PAQR5: variants seen among roughly 807,000 people sequenced by gnomAD.
PAQR5 encodes the protein progestin and adipoQ receptor family member 5.
In PAQR5, 20 loss-of-function variants were observed where a neutral mutation model predicts 34.5. That is an observed-to-expected ratio of 0.58 (90% CI 0.41 to 0.84). PAQR5 has a LOEUF of 0.84. Among genes scored for constraint, PAQR5 ranks in the 40% least tolerant of loss-of-function variants. The probability of loss-of-function intolerance (pLI) is 0.00; values close to 1 mark genes in which losing one functional copy is unlikely to be tolerated. For synonymous variants in PAQR5, 131 were observed against 155.6 expected, an observed-to-expected ratio of 0.84 and a Z score of 1.18; for missense variants, 378 against 412.7, an observed-to-expected ratio of 0.92 and a Z score of 0.73.
intron 1 of PAQR5, among the ~76,000 whole-genome samples, chr15:69,318,540 G>A (rs948580994): frequency 1.3e-5 from 2 of 151,978 alleles, no homozygotes; most frequent in Non-Finnish European, 2.9e-5. Flanking sequence ...CACTGAGCAC[G>A]CACTCACTGC....
intron 1 of PAQR5, among the ~76,000 whole-genome samples, chr15:69,336,149 A>G (rs1047143476): frequency 2.6e-5 from 4 of 152,150 alleles, no homozygotes; most frequent in Non-Finnish European, 5.9e-5. Flanking sequence ...TTTTAAAAAA[A>G]TTTTTTGGAG....
intron 4 of PAQR5, chr15:69,382,762 GTATATATATGTGACCATATATA>G (rs2055935798): frequency 8.4e-6 from 1 of 119,232 alleles, no homozygotes; most frequent in Admixed American, 8.3e-5. Context: ...ATATATATGT[GTATATATATGTGACCATATATA>G]TATATATATA....
At chr15:69,402,414 T>A (rs2056660827) in intron 8 of PAQR5, among the ~76,000 whole-genome samples, 1 of 151,946 alleles carries the variant, frequency 6.6e-6, no homozygotes, top group African/African-American at 2.4e-5. Flanking sequence ...GCCTCCCGAG[T>A]TCACGCCATT....
At chr15:69,322,802 AGAG>A (rs1175233150) in intron 1 of PAQR5, among the ~76,000 whole-genome samples, 1,573 of 130,492 alleles carry the variant, frequency 0.012, 387 homozygotes, top group African/African-American at 0.035. Flanking sequence ...AAGAAGAAGA[AGAG>A]GAAGAGGAAG....
intron 4 of PAQR5, among the ~76,000 whole-genome samples, chr15:69,383,732 T>C (rs2056005961): frequency 1.0e-5 from 1 of 97,648 alleles, no homozygotes; most frequent in African/African-American, 4.3e-5. Flanking sequence ...TGGGCCTCTG[T>C]GCTCATGGTG....
chr15:69,399,749 A>G (rs1011691843), intron 7 of PAQR5, among the ~76,000 whole-genome samples: 13 of 152,208 alleles, frequency 8.5e-5, no homozygotes, highest in Admixed American at 7.9e-4. Context: ...TCGAGTCTCA[A>G]TCGACCACAC....
In PAQR5 at chr15:69,300,519, T is replaced by A. The variant is rs796599582; in HGVS notation, c.-277+1463T>A. Among the ~76,000 whole-genome samples, 5 of 152,048 alleles carry A rather than the reference T, an allele frequency of 3.3e-5. No homozygotes were observed. The South Asian group carries it at 1.0e-3, about 32-fold the overall frequency. ...CACCCTTACCCACGTGGGGCAACATTTTCCCCTTACACCAAGAGTACATCC... is the reference window on the plus strand; with the variant it reads ...CACCCTTACCCACGTGGGGCAACATATTCCCCTTACACCAAGAGTACATCC... On this transcript the variant is annotated intron_variant, in intron 1 of 8. Coordinates refer to ENST00000395407, the MANE Select transcript of PAQR5 (RefSeq NM_017705.4).
Position 69,322,224 on chromosome 15 carries a change from T to A in PAQR5, c.-276-15117T>A, listed in dbSNP as rs1479208231. Among the ~76,000 whole-genome samples the A allele has an allele frequency of 3.4e-5, 5 of 147,836 alleles. No homozygotes were observed. The East Asian group carries it at 6.2e-4, about 18-fold the overall frequency. ...CGGGTGCAGTGGCTCATGTCTGTAA[T>A]CCCAGCACTTTGGGAGGCTGAGACA... On this transcript the variant is annotated intron_variant, in intron 1 of 8. Transcript: ENST00000395407.
At chr15:69,374,466 A>G (rs1176157809) in intron 3 of PAQR5, among the ~76,000 whole-genome samples, 1 of 152,156 alleles carries the variant, frequency 6.6e-6, no homozygotes, top group East Asian at 1.9e-4. Flanking sequence ...ACCTGAGATC[A>G]GGGGTTTGAG....
intron 2 of PAQR5, among the ~76,000 whole-genome samples, chr15:69,355,324 CTTTCTTTCTTTCTTTCTTTT>C (rs1281641766): frequency 4.3e-3 from 169 of 38,882 alleles, no homozygotes; most frequent in African/African-American, 0.012. Context: ...TTCTTTCTTT[CTTTCTTTCTTTCTTTCTTTT>C]TTTCTTTCTT....
At chr15:69,337,867 G>A (rs1567007404) in intron 2 of PAQR5, among the ~76,000 whole-genome samples, 2 of 152,166 alleles carry the variant, frequency 1.3e-5, no homozygotes, top group Admixed American at 6.5e-5. Flanking sequence ...TTGAGGTTGG[G>A]AGTTCAAGAC....
chr15:69,402,166 A>G (rs1396202024), intron 8 of PAQR5, among the ~76,000 whole-genome samples: 1 of 152,182 alleles, frequency 6.6e-6, no homozygotes, highest in Non-Finnish European at 1.5e-5. Flanking sequence ...TTTTCTCACA[A>G]TTCTGGAGGC....
In PAQR5 at chr15:69,406,754, C is replaced by T. The variant is rs2140289884; in HGVS notation, c.*2932C>T. On this transcript the variant is annotated 3_prime_UTR_variant, in exon 9 of 9. Transcript: ENST00000395407. The stretch of plus-strand genomic sequence containing the variant: ...TTGTGGTGGTGCACACCTGTGGTCC[C>T]AGCTACTGTGGAGGGTGATGTGGGA... 1 of 152,256 alleles carries T rather than the reference C, an allele frequency of 6.6e-6. No homozygotes were observed. Among genetic ancestry groups the T allele is most frequent in the African/African-American group, 2.4e-5 (1 of 41,518 alleles). The allele number at this position is 152,256 out of a possible 1,614,324, so 9.4% of individuals were successfully genotyped here. A position where few individuals can be genotyped will look rare whatever the true frequency, so the allele number is the denominator to read the frequency against.
Position 69,389,716 on chromosome 15 carries a change from G to T in PAQR5, c.448G>T (p.Asp150Tyr), listed in dbSNP as rs750064473. 5 of 1,614,020 alleles carry T rather than the reference G, an allele frequency of 3.1e-6. No homozygotes were observed. The highest frequency in any genetic ancestry group is 1.7e-5 in the Admixed American group (1 of 60,006). The change falls in exon 6 of 9, where the codon GAC becomes TAC. Residue 150 changes from aspartate (D) to tyrosine (Y), a missense_variant. Coordinates refer to ENST00000395407, the MANE Select transcript of PAQR5 (RefSeq NM_017705.4). ...PDALMCTTFH[D>Y]YYVALAVLNT... ...TGCGCTCATGTGCACCACTTTCCAT[G>T]ACTACTACGTGGCCCTGGCTGTACT...
At chr15:69,382,122 G>C (rs2055900190) in intron 4 of PAQR5, among the ~76,000 whole-genome samples, 1 of 152,158 alleles carries the variant, frequency 6.6e-6, no homozygotes, top group Non-Finnish European at 1.5e-5. Flanking sequence ...TGGAGGAGGA[G>C]GGAGAAAATA....
intron 2 of PAQR5, among the ~76,000 whole-genome samples, chr15:69,341,060 G>A (rs549016425): frequency 7.9e-5 from 12 of 152,130 alleles, no homozygotes; most frequent in African/African-American, 2.7e-4. Context: ...TGTGTAATTC[G>A]TTGGTATTGA....
intron 1 of PAQR5, among the ~76,000 whole-genome samples, chr15:69,308,588 A>T (rs1444435910): frequency 6.6e-6 from 1 of 152,086 alleles, no homozygotes; most frequent in Non-Finnish European, 1.5e-5. Flanking sequence ...ATATCTCCAA[A>T]CATTGCCAAA....
chr15:69,365,199 C>G (rs563239688), intron 3 of PAQR5, among the ~76,000 whole-genome samples: 24 of 152,106 alleles, frequency 1.6e-4, no homozygotes, highest in African/African-American at 5.1e-4. Context: ...CTCTGCCTCC[C>G]AGGTTCAAGC....
At chr15:69,403,053 G>A (rs2056683155) in intron 8 of PAQR5, among the ~76,000 whole-genome samples, 1 of 152,252 alleles carries the variant, frequency 6.6e-6, no homozygotes, top group Non-Finnish European at 1.5e-5. Flanking sequence ...AGAAAATTCA[G>A]CCAGCTTCTC....
Sources: gnomAD v4.1 joint callset for allele counts (sites outside exome capture counted in the v4.1 genomes callset) on GRCh38, gnomAD v4.1.1 for gene constraint, MANE v1.5 for transcripts, NCBI Gene and HGNC (gene_info 2026-07-23, HGNC 2026-07-21) for gene names.